The following SLC16A12 variants were observed in gnomAD, a reference collection of about 807,000 sequenced individuals.
SLC16A12 encodes the protein monocarboxylate transporter 12.
In SLC16A12, 17 loss-of-function variants were observed where a neutral mutation model predicts 42.4. The ratio of observed to expected loss-of-function variants is 0.40; its 90% CI spans 0.27 to 0.60. SLC16A12 has a LOEUF of 0.60. Ranked by LOEUF, SLC16A12 falls within the 20% of genes least tolerant of loss-of-function variation. The probability of loss-of-function intolerance (pLI) is 0.42; values close to 1 mark genes in which losing one functional copy is unlikely to be tolerated. For missense variants in SLC16A12, 544 were observed against 623.0 expected (o/e 0.87, Z 1.35); for synonymous variants, 224 against 229.4 (o/e 0.98, Z 0.21).
rs1213056445 is a variant in SLC16A12, at chr10:89,532,429, A to T, written c.-47+2072T>A. ...TCTGATGTCCTTTGATGTAGAGCAC[A>T]TTAAAAATATTATCAGAGGGAAAAT... On this transcript the variant is annotated intron_variant, in intron 2 of 7. Transcript: ENST00000371790. Among the ~76,000 whole-genome samples, 3 of 152,246 alleles carry T rather than the reference A, an allele frequency of 2.0e-5. No individual in the cohort carries two copies. In the East Asian group the frequency reaches 5.8e-4, roughly 29 times the overall value.
intron 2 of SLC16A12, among the ~76,000 whole-genome samples, chr10:89,522,974 A>G (rs549064236): frequency 1.3e-5 from 2 of 152,058 alleles, no homozygotes; most frequent in Admixed American, 1.3e-4. Flanking sequence ...ATTTTCCTCC[A>G]TTTCCTATTT....
In SLC16A12 at chr10:89,472,487, C is replaced by CTTTTTTTTTTTTTTT. The variant is rs71022567; in HGVS notation, c.-46-9878_-46-9864dup. On this transcript the variant is annotated intron_variant, in intron 2 of 7. Transcript: ENST00000371790. ...TTTTTTCTTTTCTTTTCTTTTCTTTCTTTTTTTTTTTTTTTTTTTTTTTGA... is the reference window on the plus strand; with the variant it reads ...TTTTTTCTTTTCTTTTCTTTTCTTTCTTTTTTTTTTTTTTTTTTTTTTTTTTTTTTTTTTTTTTGA... Among the ~76,000 whole-genome samples, 147 of 89,916 alleles carry CTTTTTTTTTTTTTTT rather than the reference C, an allele frequency of 1.6e-3. 1 individual carries two copies. Among genetic ancestry groups the CTTTTTTTTTTTTTTT allele is most frequent in the Non-Finnish European group, 2.1e-3 (98 of 45,806 alleles). The allele number at this position is 89,916 out of a possible 152,430, so 59.0% of individuals were successfully genotyped here.
intron 2 of SLC16A12, among the ~76,000 whole-genome samples, chr10:89,494,885 A>AACTG (rs1362156561): frequency 6.6e-6 from 1 of 152,222 alleles, no homozygotes; most frequent in African/African-American, 2.4e-5. Flanking sequence ...CCTGGAAGAA[A>AACTG]ACTGGTATTT....
At chr10:89,523,125 G>C (rs1355196060) in intron 2 of SLC16A12, among the ~76,000 whole-genome samples, 1 of 152,022 alleles carries the variant, frequency 6.6e-6, no homozygotes, top group Non-Finnish European at 1.5e-5. Flanking sequence ...TTTTCACTGG[G>C]TTCTCCTTAG....
intron 3 of SLC16A12, among the ~76,000 whole-genome samples, chr10:89,448,253 AT>A (rs1252554013): frequency 1.3e-5 from 2 of 152,216 alleles, no homozygotes; most frequent in Non-Finnish European, 2.9e-5. Flanking sequence ...CCCCTAACTC[AT>A]TTTATGAGGT....
intron 2 of SLC16A12, among the ~76,000 whole-genome samples, chr10:89,555,384 G>A (rs1428030671): frequency 6.6e-6 from 1 of 150,822 alleles, no homozygotes; most frequent in Non-Finnish European, 1.5e-5. Flanking sequence ...ATGTTTTGTT[G>A]TTTAAACTTT....
chr10:89,499,944 G>A (rs1181648672), intron 2 of SLC16A12, among the ~76,000 whole-genome samples: 3 of 151,974 alleles, frequency 2.0e-5, no homozygotes, highest in Admixed American at 6.6e-5. Context: ...AAATAAGCTC[G>A]ATAAGAAACA....
chr10:89,470,631 T>G (rs933691069), intron 2 of SLC16A12, among the ~76,000 whole-genome samples: 1 of 152,156 alleles, frequency 6.6e-6, no homozygotes, highest in Non-Finnish European at 1.5e-5. Flanking sequence ...CTAAGCCAGA[T>G]GGAAATCATA....
chr10:89,519,739 G>A (rs139953649), intron 2 of SLC16A12, among the ~76,000 whole-genome samples: 1 of 152,110 alleles, frequency 6.6e-6, no homozygotes, highest in African/African-American at 2.4e-5. Context: ...CAGGGGGTGG[G>A]GGGGTCCGAG....
In SLC16A12 at chr10:89,441,166, G is replaced by C. The variant is rs774279072; in HGVS notation, c.390C>G (p.Ile130Met). The change falls in exon 5 of 8, where the codon ATC becomes ATG. Residue 130 changes from isoleucine to methionine, a missense_variant. Ile to Met is a conservative substitution (Grantham distance 10). Coordinates refer to ENST00000371790, the MANE Select transcript of SLC16A12 (RefSeq NM_213606.4). Reference protein sequence around the residue: ...LGGLLASTGLILSSFATSLKH... With the variant: ...LGGLLASTGLMLSSFATSLKH... The stretch of plus-strand genomic sequence containing the variant: ...TCAGACTCGTGGCAAATGAGCTCAG[G>C]ATGAGTCCAGTAGATGCAAGCAAGC... The C allele has an allele frequency of 1.9e-6, 3 of 1,613,954 alleles. No homozygotes were observed. Among genetic ancestry groups the C allele is most frequent in the Non-Finnish European group, 2.5e-6 (3 of 1,179,874 alleles).
At chr10:89,520,919 A>G (rs1176714394) in intron 2 of SLC16A12, among the ~76,000 whole-genome samples, 1 of 152,210 alleles carries the variant, frequency 6.6e-6, no homozygotes, top group African/African-American at 2.4e-5. Flanking sequence ...ATAAGCCTCC[A>G]GCCAGTGCCT....
At chr10:89,521,795 T>C (rs1402361300) in intron 2 of SLC16A12, among the ~76,000 whole-genome samples, 1 of 152,244 alleles carries the variant, frequency 6.6e-6, no homozygotes, top group African/African-American at 2.4e-5. Flanking sequence ...ACCTGTGATG[T>C]GTGTTGTTTT....
chr10:89,552,382 T>C (rs1054121717), intron 2 of SLC16A12, among the ~76,000 whole-genome samples: 1 of 152,244 alleles, frequency 6.6e-6, no homozygotes, highest in Non-Finnish European at 1.5e-5. Flanking sequence ...AATTATAGGC[T>C]TCTGGCCAAG....
At chr10:89,513,977 G>C (rs1843204282) in intron 2 of SLC16A12, among the ~76,000 whole-genome samples, 1 of 152,172 alleles carries the variant, frequency 6.6e-6, no homozygotes, top group Middle Eastern at 3.2e-3. Context: ...CAAGAGCCTA[G>C]GAGAGAGATC....
rs1365316899 is a variant in SLC16A12, at chr10:89,486,217, G to A, written c.-46-23593C>T. On this transcript the variant is annotated intron_variant, in intron 2 of 7. Coordinates refer to ENST00000371790, the MANE Select transcript of SLC16A12 (RefSeq NM_213606.4). ...AGTGAGCTCACTGCCTGGTACTGAG[G>A]ATGATCTAGGTTGTATGTAAAAGCC... Among the ~76,000 whole-genome samples the A allele has an allele frequency of 5.3e-5, 8 of 152,156 alleles. No individual in the cohort carries two copies. In the East Asian group the frequency reaches 1.2e-3, roughly 22 times the overall value.
At chr10:89,465,837 G>A (rs1842385611) in intron 2 of SLC16A12, among the ~76,000 whole-genome samples, 1 of 152,202 alleles carries the variant, frequency 6.6e-6, no homozygotes, top group African/African-American at 2.4e-5. Context: ...TGAGTGATGA[G>A]GCACAGAACG....
intron 2 of SLC16A12, among the ~76,000 whole-genome samples, chr10:89,554,332 T>TAC (rs1348258423): frequency 6.6e-6 from 1 of 152,168 alleles, no homozygotes; most frequent in Admixed American, 6.5e-5. Context: ...TCCCTTCTGA[T>TAC]AGCACCTGAA....
At chr10:89,503,324 CT>C (rs1564591939) in intron 2 of SLC16A12, among the ~76,000 whole-genome samples, 2 of 152,172 alleles carry the variant, frequency 1.3e-5, no homozygotes, top group African/African-American at 4.8e-5. Flanking sequence ...TGGTGACTCA[CT>C]TTAATAGGAA....
chr10:89,522,672 G>A (rs1589725235), intron 2 of SLC16A12, among the ~76,000 whole-genome samples: 1 of 152,282 alleles, frequency 6.6e-6, no homozygotes, highest in East Asian at 1.9e-4. Context: ...CTCATTTTCA[G>A]CAGTACAGCA....
Sources: gnomAD v4.1 joint callset for allele counts (sites outside exome capture counted in the v4.1 genomes callset) on GRCh38, gnomAD v4.1.1 for gene constraint, MANE v1.5 for transcripts, NCBI Gene and HGNC (gene_info 2026-07-23, HGNC 2026-07-21) for gene names.